Variants in SULT6B1 observed in about 807,000 individuals in gnomAD.
The protein encoded by SULT6B1 is sulfotransferase 6B1.
In SULT6B1, 44 loss-of-function variants were observed where a neutral mutation model predicts 37.2. The observed-to-expected ratio is 1.18, with a 90% CI of 0.93 to 1.52. SULT6B1 has a LOEUF of 1.52. SULT6B1 is among the 40% of genes most tolerant of loss of function. The pLI is 0.00. For missense variants in SULT6B1, 450 were observed against 361.0 expected (o/e 1.25, Z -2.00); for synonymous variants, 140 against 126.0 (o/e 1.11, Z -0.74).
Position 37,182,570 on chromosome 2 carries a change from C to T in SULT6B1, c.402+855G>A, listed in dbSNP as rs373203697. On this transcript the variant is annotated intron_variant, in intron 3 of 6. Transcript: ENST00000535679. ...TCTCGAACTACTGACTTCAAGTGATCTGCCCACCTCGGCCTCTCAAAGTGC... is the reference window on the plus strand; with the variant it reads ...TCTCGAACTACTGACTTCAAGTGATTTGCCCACCTCGGCCTCTCAAAGTGC... Among the ~76,000 whole-genome samples the T allele has an allele frequency of 9.9e-5, 15 of 152,260 alleles. No homozygotes were observed. In the East Asian group the frequency reaches 1.2e-3, roughly 12 times the overall value.
chr2:37,193,652 G>GAGA (rs1397323136), upstream of SULT6B1, among the ~76,000 whole-genome samples: 2 of 46,754 alleles, frequency 4.3e-5, no homozygotes. Flanking sequence ...GAAGAAGAAG[G>GAGA]AGAAGAAGGA....
upstream of SULT6B1, among the ~76,000 whole-genome samples, chr2:37,192,554 A>C (rs1443927121): frequency 1.3e-5 from 2 of 152,240 alleles, no homozygotes; most frequent in Non-Finnish European, 2.9e-5. Context: ...TGATGATATT[A>C]GCTGTAGTTG....
At chr2:37,179,791 T>A (rs764429139) in intron 3 of SULT6B1, among the ~76,000 whole-genome samples, 1 of 152,120 alleles carries the variant, frequency 6.6e-6, no homozygotes, top group South Asian at 2.1e-4. Flanking sequence ...AAAAGATTGA[T>A]ATTGTTGCAA....
chr2:37,170,085 C>T (rs2148283472), intron 6 of SULT6B1, among the ~76,000 whole-genome samples: 1 of 152,270 alleles, frequency 6.6e-6, no homozygotes, highest in East Asian at 1.9e-4. Context: ...ATGGACAAAA[C>T]CCTGATTTTA....
intron 5 of SULT6B1, 54 bp from the exon 6 acceptor site, chr2:37,171,644 A>G: frequency 6.4e-7 from 1 of 1,559,730 alleles, no homozygotes; most frequent in South Asian, 1.2e-5. Flanking sequence ...TTGTTCTCTG[A>G]GCTGAGACAG....
intron 3 of SULT6B1, among the ~76,000 whole-genome samples, chr2:37,180,682 G>A (rs1676530977): frequency 1.3e-5 from 2 of 152,124 alleles, no homozygotes; most frequent in African/African-American, 4.8e-5. Context: ...TCAGGAGTTC[G>A]AGACCAGCCT....
At chr2:37,189,181 T>C (rs1220854798), upstream of SULT6B1, among the ~76,000 whole-genome samples, 1 of 152,234 alleles carries the variant, frequency 6.6e-6, no homozygotes, top group Non-Finnish European at 1.5e-5. Flanking sequence ...AGTTTGAACC[T>C]TGACTCTACC....
chr2:37,173,719 T>A (rs767561621), intron 5 of SULT6B1, among the ~76,000 whole-genome samples: 5 of 152,144 alleles, frequency 3.3e-5, no homozygotes, highest in Non-Finnish European at 7.4e-5. Flanking sequence ...CAGCAGCAAA[T>A]CCTGTTGGCC....
upstream of SULT6B1, among the ~76,000 whole-genome samples, chr2:37,190,229 G>T (rs140063978): frequency 4.3e-3 from 662 of 152,228 alleles, 2 homozygotes; most frequent in South Asian, 0.021. Context: ...TATAAATGTA[G>T]ACTGTATATT....
At chr2:37,173,514 T>A (rs1481116834) in intron 5 of SULT6B1, among the ~76,000 whole-genome samples, 1 of 152,172 alleles carries the variant, frequency 6.6e-6, no homozygotes, top group African/African-American at 2.4e-5. Flanking sequence ...GACTTCTCAA[T>A]TAGGACGACT....
At chr2:37,171,310 A>G in intron 6 of SULT6B1, 124 bp downstream of exon 6, 1 of 1,179,444 alleles carries the variant, frequency 8.5e-7, no homozygotes, top group Non-Finnish European at 1.2e-6. Context: ...CTGTGTCCAG[A>G]CCTCTTACTG....
chr2:37,179,647 G>C, intron 3 of SULT6B1, 63 bp from the exon 4 acceptor site: 2 of 1,460,654 alleles, frequency 1.4e-6, no homozygotes. Flanking sequence ...AAAATTAAAA[G>C]GGTGAGCAAT....
At chr2:37,178,273 T>C (rs1293825561) in intron 4 of SULT6B1, among the ~76,000 whole-genome samples, 1 of 152,180 alleles carries the variant, frequency 6.6e-6, no homozygotes, top group African/African-American at 2.4e-5. Context: ...AGTTTTGCTC[T>C]GTCACCCAGG....
chr2:37,171,226 C>T (rs1342490826), intron 6 of SULT6B1, among the ~76,000 whole-genome samples: 3 of 151,916 alleles, frequency 2.0e-5, no homozygotes, highest in East Asian at 2.0e-4. Context: ...GGCAACAGAG[C>T]GAGACTCCGT....
At position 37,183,487 on chromosome 2, in the gene SULT6B1, T is replaced by C; in HGVS notation, c.340A>G (p.Ile114Val). Reference sequence around the variant, plus strand: ...TCATAGTGGAGGTGAGTTGCCAAAATCCTTGGTGATGGAAAGCCTTTCATT... The same window carrying C: ...TCATAGTGGAGGTGAGTTGCCAAAACCCTTGGTGATGGAAAGCCTTTCATT... ...QRMKGFPSPR[I>V]LATHLHYDKL... is the part of the protein sequence containing the mutation. The change falls in exon 3 of 7, where the codon ATT (isoleucine) becomes GTT (valine). Residue 114 changes from isoleucine (I) to valine (V), a missense_variant. By Grantham distance (29) the Ile-to-Val change is conservative. Coordinates refer to ENST00000535679, the MANE Select transcript of SULT6B1 (RefSeq NM_001367551.1). 1 of 1,614,132 alleles carries C rather than the reference T, an allele frequency of 6.2e-7. No homozygotes were observed. Among genetic ancestry groups the C allele is most frequent in the East Asian group, 2.2e-5 (1 of 44,876 alleles).
intron 2 of SULT6B1, among the ~76,000 whole-genome samples, chr2:37,187,154 C>G (rs987534223): frequency 6.6e-6 from 1 of 152,210 alleles, no homozygotes; most frequent in African/African-American, 2.4e-5. Flanking sequence ...CCTAGCATTT[C>G]TATCTTTTGT....
At chr2:37,182,658 A>G (rs62134997) in intron 3 of SULT6B1, among the ~76,000 whole-genome samples, 2,662 of 152,254 alleles carry the variant, frequency 0.017, 33 homozygotes, top group Non-Finnish European at 0.026. Context: ...GATTGTAACT[A>G]ATTCAAATCA....
chr2:37,194,653 G>A (rs186117687), intron 1 of SULT6B1: 4 of 277,210 alleles, frequency 1.4e-5, no homozygotes, highest in African/African-American at 9.1e-5. Context: ...ATGTGCTTGT[G>A]AATGTTGGTG....
chr2:37,185,611 G>T (rs186860322), intron 2 of SULT6B1, among the ~76,000 whole-genome samples: 1 of 150,924 alleles, frequency 6.6e-6, no homozygotes. Context: ...CCAGCTACTC[G>T]AGAGGCTGAG....
Sources: gnomAD v4.1 joint callset for allele counts (sites outside exome capture counted in the v4.1 genomes callset) on GRCh38, gnomAD v4.1.1 for gene constraint, MANE v1.5 for transcripts, NCBI Gene and HGNC (gene_info 2026-07-23, HGNC 2026-07-21) for gene names.